The following SPRR2G variants were observed in gnomAD, a reference collection of about 807,000 sequenced individuals.
The protein encoded by SPRR2G is small proline-rich protein 2G.
In SPRR2G, 1 loss-of-function variant was observed where a neutral mutation model predicts 0.7. That is an observed-to-expected ratio of 1.49 (90% CI 0.53 to 7.06). The LOEUF is 7.06. SPRR2G is among the 30% of genes most tolerant of loss of function. The probability of loss-of-function intolerance (pLI) is 0.14; values close to 1 mark genes in which losing one functional copy is unlikely to be tolerated. For synonymous variants in SPRR2G, 38 were observed against 33.9 expected (o/e 1.12, Z -0.42); for missense variants, 96 against 88.5 (o/e 1.09, Z -0.34).
chr1:153,167,883 A>T, the SPRR2G span, among the ~76,000 whole-genome samples: 9,380 of 152,312 alleles, frequency 0.062, 454 homozygotes, highest in Middle Eastern at 0.14. Context: ...CATTTTATTT[A>T]ATCATGTAAT....
At chr1:153,151,403 CAA>C (rs952871098), upstream of SPRR2G, among the ~76,000 whole-genome samples, 1 of 152,174 alleles carries the variant, frequency 6.6e-6, no homozygotes, top group Non-Finnish European at 1.5e-5. Context: ...AACAGGGTGA[CAA>C]AATCATATAT....
At chr1:153,180,442 T>A in the SPRR2G span, among the ~76,000 whole-genome samples, 1 of 152,188 alleles carries the variant, frequency 6.6e-6, no homozygotes, top group Non-Finnish European at 1.5e-5. Context: ...TTTGTAGATA[T>A]AGATCGTTGA....
At chr1:153,181,675 T>C in the SPRR2G span, among the ~76,000 whole-genome samples, 1 of 152,068 alleles carries the variant, frequency 6.6e-6, no homozygotes, top group East Asian at 1.9e-4. Context: ...GATCATTGTC[T>C]TTCTGTGTCT....
the SPRR2G span, among the ~76,000 whole-genome samples, chr1:153,169,298 G>T: frequency 6.6e-6 from 1 of 152,102 alleles, no homozygotes; most frequent in African/African-American, 2.4e-5. Flanking sequence ...GGTCGCGGTG[G>T]CTCATGCCAG....
chr1:153,193,170 G>A, the SPRR2G span, among the ~76,000 whole-genome samples: 1 of 152,084 alleles, frequency 6.6e-6, no homozygotes, highest in Non-Finnish European at 1.5e-5. Flanking sequence ...GCCACAGGAT[G>A]GTCGATATGC....
In SPRR2G at chr1:153,149,945, G is replaced by T; in HGVS notation, c.166C>A (p.Pro56Thr). The change falls in exon 2 of 2, where the codon CCT (proline) becomes ACT (threonine). Residue 56 changes from proline (P) to threonine (T), a missense_variant. Transcript: ENST00000368748. ...CAGGGTGGGTATGGTTGCACAGGAG[G>T]GCATTTATCCTGGCATGGTGGAGGT... is the stretch of plus-strand genomic sequence containing the variant. ...CPPPPCQDKC[P>T]PVQPYPPCQQ... The T allele has an allele frequency of 6.2e-7, 1 of 1,614,070 alleles. No individual in the cohort carries two copies. Among genetic ancestry groups the T allele is most frequent in the African/African-American group, 1.3e-5 (1 of 75,004 alleles).
the SPRR2G span, among the ~76,000 whole-genome samples, chr1:153,165,789 T>A: frequency 7.4e-3 from 1,123 of 152,304 alleles, 12 homozygotes; most frequent in African/African-American, 0.024. Flanking sequence ...AACGCCTTAT[T>A]TCAGTCCTTC....
At chr1:153,157,885 C>CA in the SPRR2G span, among the ~76,000 whole-genome samples, 4 of 129,070 alleles carry the variant, frequency 3.1e-5, no homozygotes, top group Non-Finnish European at 6.1e-5. Context: ...GAAGAGGAAG[C>CA]AAAGCATGTC....
At chr1:153,195,799 T>C in the SPRR2G span, among the ~76,000 whole-genome samples, 3 of 152,076 alleles carry the variant, frequency 2.0e-5, no homozygotes, top group Non-Finnish European at 2.9e-5. Flanking sequence ...GCATGGGGAC[T>C]CTATCTCACT....
At chr1:153,156,165 G>A in the SPRR2G span, among the ~76,000 whole-genome samples, 1 of 152,114 alleles carries the variant, frequency 6.6e-6, no homozygotes, top group Non-Finnish European at 1.5e-5. Flanking sequence ...TGAGTTCTGA[G>A]GGAAAGAATA....
the SPRR2G span, among the ~76,000 whole-genome samples, chr1:153,177,350 T>C: frequency 6.6e-6 from 1 of 152,206 alleles, no homozygotes. Flanking sequence ...TTATTTCTCT[T>C]AAATGAATAT....
the SPRR2G span, among the ~76,000 whole-genome samples, chr1:153,178,913 A>G: frequency 6.6e-6 from 1 of 152,168 alleles, no homozygotes; most frequent in East Asian, 1.9e-4. Context: ...GGGGCATTCT[A>G]TATGGGAAGG....
the SPRR2G span, among the ~76,000 whole-genome samples, chr1:153,160,925 G>A: frequency 6.6e-6 from 1 of 151,514 alleles, no homozygotes. Context: ...AAAATGATGA[G>A]TCCATGTCCT....
upstream of SPRR2G, among the ~76,000 whole-genome samples, chr1:153,153,556 T>A (rs1303344858): frequency 2.0e-5 from 3 of 152,152 alleles, no homozygotes; most frequent in Non-Finnish European, 4.4e-5. Flanking sequence ...CCAAAGTTCC[T>A]GATTTGCCTA....
the SPRR2G span, among the ~76,000 whole-genome samples, chr1:153,177,111 C>T: frequency 6.6e-6 from 1 of 152,098 alleles, no homozygotes; most frequent in Non-Finnish European, 1.5e-5. Flanking sequence ...TCATACAGAA[C>T]GTACTCTGCT....
the SPRR2G span, among the ~76,000 whole-genome samples, chr1:153,161,247 C>T: frequency 6.2e-5 from 3 of 48,702 alleles, no homozygotes. Context: ...AAAATAATAA[C>T]AATAATAGTA....
At chr1:153,162,400 G>A in the SPRR2G span, among the ~76,000 whole-genome samples, 2 of 152,154 alleles carry the variant, frequency 1.3e-5, no homozygotes, top group African/African-American at 2.4e-5. Context: ...AGGAATGCAT[G>A]TCCTCTGTTG....
chr1:153,181,901 T>C, the SPRR2G span, among the ~76,000 whole-genome samples: 1 of 152,162 alleles, frequency 6.6e-6, no homozygotes, highest in African/African-American at 2.4e-5. Flanking sequence ...GTATATCCTT[T>C]TGATATACTG....
the SPRR2G span, among the ~76,000 whole-genome samples, chr1:153,201,257 A>ACCTTTACAG: frequency 6.6e-6 from 1 of 152,196 alleles, no homozygotes; most frequent in African/African-American, 2.4e-5. Context: ...AGGAGTGCTG[A>ACCTTTACAG]CCTTTACAGA....
Sources: gnomAD v4.1 joint callset for allele counts (sites outside exome capture counted in the v4.1 genomes callset) on GRCh38, gnomAD v4.1.1 for gene constraint, MANE v1.5 for transcripts, NCBI Gene and HGNC (gene_info 2026-07-23, HGNC 2026-07-21) for gene names.